PTK7: variants seen among roughly 807,000 people sequenced by gnomAD.
PTK7 encodes the protein protein tyrosine kinase 7 (inactive).
Under a neutral mutation model 116.6 loss-of-function variants are expected in PTK7, and 39 were observed. That is an observed-to-expected ratio of 0.33 (90% CI 0.26 to 0.44). The LOEUF (loss-of-function observed/expected upper bound fraction) is 0.44. Among genes scored for constraint, PTK7 ranks in the 20% least tolerant of loss-of-function variants. The pLI, the probability that PTK7 is intolerant of heterozygous loss-of-function variation, is 1.00. For missense variants in PTK7, 1,169 were observed against 1,425.6 expected, an observed-to-expected ratio of 0.82 and a Z score of 2.90; for synonymous variants, 546 against 563.6, an observed-to-expected ratio of 0.97 and a Z score of 0.44.
chr6:43,106,766 C>T (rs953977233), intron 1 of PTK7, among the ~76,000 whole-genome samples: 2 of 147,940 alleles, frequency 1.4e-5, no homozygotes, highest in African/African-American at 5.0e-5. Context: ...GGATTACAGG[C>T]GTGACACCCG....
Position 43,158,913 on chromosome 6 carries a change from G to T in PTK7, c.2818G>T (p.Ala940Ser), listed in dbSNP as rs536167999. ...DLAARNCLVS[A>S]QRQVKVSALG... ...GGCTGCGCGTAACTGCCTGGTCAGT[G>T]CCCAGAGACAAGTGAAGGTGTCTGC... Residue 940 changes from alanine (A) to serine (S), a missense_variant, in exon 18 of 20, where the codon GCC (alanine) becomes TCC (serine). Ala to Ser is a moderately conservative substitution (Grantham distance 99, BLOSUM62 1). This residue lies in a region of PTK7 where 678 missense variants were observed against 853.8 expected (regional missense o/e 0.79). Transcript: ENST00000230419. The T allele has an allele frequency of 5.0e-6, 8 of 1,614,222 alleles. No individual in the cohort carries two copies. The Admixed American group carries it at 8.3e-5, about 17-fold the overall frequency.
Position 43,145,479 on chromosome 6 carries a change from T to C in PTK7, c.2640+47T>C. On this transcript the variant is annotated intron_variant, in intron 16 of 19. Transcript: ENST00000230419. This position sits in a 1 kb window ranked among gnomAD's most constrained non-coding sequence, Gnocchi z 4.8. ...TGGGGGTCTCGGGTAGGGAGGGCAG[T>C]GTCCTACAAAGGTGGGAGTCAGTGG... 6.9e-7 allele frequency: 1 copy of C among 1,441,538 alleles called. No homozygotes were observed. Among genetic ancestry groups the C allele is most frequent in the Non-Finnish European group, 9.3e-7 (1 of 1,070,662 alleles). 89.3% of individuals were successfully genotyped at this position (1,441,538 alleles called of 1,614,324 possible).
At chr6:43,102,703 T>TA (rs1767655438) in intron 1 of PTK7, among the ~76,000 whole-genome samples, 1 of 152,038 alleles carries the variant, frequency 6.6e-6, no homozygotes, top group South Asian at 2.1e-4. Context: ...CATTTCTGAT[T>TA]AAAAAAACAA....
intron 1 of PTK7, among the ~76,000 whole-genome samples, chr6:43,086,139 G>T (rs148627507): frequency 6.6e-6 from 1 of 152,250 alleles, no homozygotes; most frequent in Non-Finnish European, 1.5e-5. Flanking sequence ...TGTCTCTCCT[G>T]GCATGCTGAG....
chr6:43,155,775 GAA>G (rs571725538), intron 17 of PTK7, among the ~76,000 whole-genome samples: 79 of 152,230 alleles, frequency 5.2e-4, no homozygotes, highest in African/African-American at 1.9e-3. Flanking sequence ...TTTCACTTTG[GAA>G]AAGAGTTGGG....
rs564303055 is a variant in PTK7 at position 43,129,903 on chromosome 6, G to A, written c.470+74G>A. On this transcript the variant is annotated intron_variant, in intron 3 of 19. Transcript: ENST00000230419. This position sits in a 1 kb window ranked among gnomAD's most constrained non-coding sequence, Gnocchi z 4.5. ...TGTCTCCCCAAATCTTGGACTCTAT[G>A]CGGATGTTACCTCGCTCCATTCTGT... 8.5e-6 allele frequency: 12 copies of A among 1,408,300 alleles called. No individual in the cohort carries two copies. The African/African-American group carries it at 1.4e-4, about 17-fold the overall frequency. The allele number at this position is 1,408,300 out of a possible 1,614,324, so 87.2% of individuals were successfully genotyped here. A position where few individuals can be genotyped will look rare whatever the true frequency, so the allele number is the denominator to read the frequency against.
At position 43,151,913 on chromosome 6, in the gene PTK7, C is replaced by T. The variant is rs377612147; in HGVS notation, c.2721+5215C>T. ...AGGCTGGAGTGCAGTGGCGGGATCT[C>T]GGCTCACTGCAAGCTCCGCCTCCCG... On this transcript the variant is annotated intron_variant, in intron 17 of 19. Transcript: ENST00000230419. Among the ~76,000 whole-genome samples the T allele has an allele frequency of 5.2e-3, 735 of 141,668 alleles. 10 individuals carry two copies. Among genetic ancestry groups the T allele is most frequent in the African/African-American group, 0.017 (666 of 38,252 alleles). 92.9% of individuals were successfully genotyped at this position (141,668 alleles called of 152,430 possible). A position where few individuals can be genotyped will look rare whatever the true frequency, so the allele number is the denominator to read the frequency against.
intron 1 of PTK7, among the ~76,000 whole-genome samples, chr6:43,122,188 C>G (rs1339072262): frequency 6.6e-6 from 1 of 152,140 alleles, no homozygotes; most frequent in Non-Finnish European, 1.5e-5. Flanking sequence ...TGGGGTGGCT[C>G]AAGAGCAGTC....
intron 17 of PTK7, among the ~76,000 whole-genome samples, chr6:43,157,305 GCACA>G (rs1771494147): frequency 8.5e-6 from 1 of 117,180 alleles, no homozygotes; most frequent in African/African-American, 3.2e-5. Flanking sequence ...ACACGTGCGT[GCACA>G]CACACAGACA....
At chr6:43,132,950 A>G in intron 7 of PTK7, 3 of 584,374 alleles carry the variant, frequency 5.1e-6, no homozygotes, top group Non-Finnish European at 6.1e-6. Flanking sequence ...TAGACTAGGA[A>G]TCTAGAGACC....
rs566193701 is a variant in PTK7 at position 43,100,053 on chromosome 6, G to C, written c.79+23486G>C. On this transcript the variant is annotated intron_variant, in intron 1 of 19. Transcript: ENST00000230419. The stretch of plus-strand genomic sequence containing the variant: ...TAGTAGAGATTTAGGGATTACAGCT[G>C]TGAACCACTGCACCTGGCCTGAGAC... Among the ~76,000 whole-genome samples the C allele has an allele frequency of 2.6e-4, 39 of 152,136 alleles. 1 individual carries two copies. The highest frequency in any genetic ancestry group is 1.5e-3 in the South Asian group (7 of 4,818).
chr6:43,142,374 T>A, intron 13 of PTK7, 75 bp downstream of exon 13: 1 of 1,603,558 alleles, frequency 6.2e-7, no homozygotes, highest in East Asian at 2.2e-5. Context: ...TCAGCCCCTG[T>A]GTACAGAACA....
rs183934834 is a variant in PTK7, at chr6:43,150,092, G to A, written c.2721+3394G>A. 2.6e-5 allele frequency among the ~76,000 whole-genome samples: 4 copies of A among 152,364 alleles called. No homozygotes were observed. The East Asian group carries it at 5.8e-4, about 22-fold the overall frequency. On this transcript the variant is annotated intron_variant, in intron 17 of 19. Transcript: ENST00000230419. ...GCTGATAAGATGATATCAGAGAGCT[G>A]TAATCTGTGATTGCTTCATGGATCA...
In PTK7 at chr6:43,144,503, C is replaced by T; in HGVS notation, c.2304C>T (p.Ala768=). Residue 768 remains alanine, a synonymous_variant, in exon 15 of 20, where the codon GCC becomes GCT. Transcript: ENST00000230419. The part of the protein sequence containing the change: ...QPSAEIQEEV[A]LTSLGSGPAA... ...CAGCAGAGATCCAAGAAGAAGTGGC[C>T]TTGACCAGCTTGGGCTCCGGCCCCG... 1 of 1,614,166 alleles carries T rather than the reference C, an allele frequency of 6.2e-7. No homozygotes were observed. The highest frequency in any genetic ancestry group is 1.7e-5 in the Admixed American group (1 of 60,008).
chr6:43,151,913 C>G (rs377612147), intron 17 of PTK7, among the ~76,000 whole-genome samples: 3 of 141,572 alleles, frequency 2.1e-5, no homozygotes, highest in African/African-American at 7.9e-5. Flanking sequence ...GGCGGGATCT[C>G]GGCTCACTGC....
chr6:43,131,973 G>A lies in PTK7; in HGVS notation c.813-43G>A, dbSNP rs376963121. On this transcript the variant is annotated intron_variant, in intron 5 of 19. Transcript: ENST00000230419. ...CCCTTGCATTCCTTTCCAGAACTAG[G>A]CCTATTGGCCACTTTCTCCAAATTG... 2.9e-5 allele frequency: 46 copies of A among 1,611,842 alleles called. No homozygotes were observed. The African/African-American group carries it at 5.2e-4, about 18-fold the overall frequency.
At chr6:43,089,724 T>A (rs1582066229) in intron 1 of PTK7, among the ~76,000 whole-genome samples, 1 of 152,202 alleles carries the variant, frequency 6.6e-6, no homozygotes, top group East Asian at 1.9e-4. Context: ...GGAGGAGTAC[T>A]GAGGGGAGGG....
At chr6:43,088,561 G>A (rs958737178) in intron 1 of PTK7, among the ~76,000 whole-genome samples, 1 of 149,646 alleles carries the variant, frequency 6.7e-6, no homozygotes, top group Admixed American at 6.7e-5. Context: ...CTGTGGTGGT[G>A]CATGCCTGTA....
At chr6:43,109,297 A>T (rs1013862525) in intron 1 of PTK7, among the ~76,000 whole-genome samples, 1 of 152,026 alleles carries the variant, frequency 6.6e-6, no homozygotes, top group Non-Finnish European at 1.5e-5. Context: ...CACCTGAGCC[A>T]CTCAAGTAGC....
Sources: gnomAD v4.1 joint callset for allele counts (sites outside exome capture counted in the v4.1 genomes callset) on GRCh38, gnomAD v4.1.1 for gene constraint, gnomAD v4.1.1 regional missense constraint, Gnocchi (gnomAD v3.1) non-coding constraint, MANE v1.5 for transcripts, NCBI Gene and HGNC (gene_info 2026-07-23, HGNC 2026-07-21) for gene names.